Variants in KIF15 observed in about 807,000 individuals in gnomAD.
KIF15 encodes kinesin family member 15, also known as kinesin-like protein KIF15.
A neutral mutation model predicts 190.6 loss-of-function variants in KIF15; 140 were observed. The observed-to-expected ratio is 0.73, with a 90% CI of 0.64 to 0.84. The LOEUF is 0.84. KIF15 is among the 40% of genes least tolerant of loss of function. The pLI is 0.00. For missense variants in KIF15, 1,372 were observed against 1,584.4 expected (o/e 0.87, Z 2.28); for synonymous variants, 528 against 551.3 (o/e 0.96, Z 0.59).
intron 26 of KIF15, among the ~76,000 whole-genome samples, chr3:44,836,685 A>G (rs1045055371): frequency 6.6e-6 from 1 of 152,194 alleles, no homozygotes; most frequent in African/African-American, 2.4e-5. Context: ...TTCCTGAAAC[A>G]TTAGGAGTTC....
chr3:44,771,067 T>C (rs1405205290), intron 1 of KIF15, among the ~76,000 whole-genome samples: 1 of 152,226 alleles, frequency 6.6e-6, no homozygotes, highest in African/African-American at 2.4e-5. Flanking sequence ...TGAGAGCACC[T>C]ATGAAAGTTC....
chr3:44,787,443 G>A (rs548301315), intron 7 of KIF15, among the ~76,000 whole-genome samples: 1 of 152,190 alleles, frequency 6.6e-6, no homozygotes, highest in East Asian at 1.9e-4. Context: ...TATTTTCACT[G>A]CTGTATGATA....
At chr3:44,825,583 T>A (rs549718834) in intron 20 of KIF15, among the ~76,000 whole-genome samples, 11 of 152,332 alleles carry the variant, frequency 7.2e-5, no homozygotes, top group Middle Eastern at 6.8e-3. Context: ...CTTGCTCAAA[T>A]CAAATTCACA....
chr3:44,838,172 A>T, intron 26 of KIF15, 103 bp from the exon 27 acceptor site: 1 of 1,213,286 alleles, frequency 8.2e-7, no homozygotes, highest in Non-Finnish European at 1.1e-6. Flanking sequence ...ATAGGTTTTT[A>T]CATAAAACTT....
Position 44,830,906 on chromosome 3 carries a change from A to G in KIF15, c.3059A>G (p.Asn1020Ser), listed in dbSNP as rs1324918881. ...QELKDINCKY[N>S]SALVDREESR... ...CTTTCTTTTCTACAGTGCAAATACA[A>G]CTCTGCTTTGGTTGACAGAGAAGAG... The change falls in exon 26 of 35, where the codon AAC (asparagine) becomes AGC (serine). Residue 1020 changes from asparagine to serine, a missense_variant. Asn to Ser is a conservative substitution (Grantham distance 46). Transcript: ENST00000326047. The G allele has an allele frequency of 6.2e-7, 1 of 1,613,396 alleles. No homozygotes were observed. Among genetic ancestry groups the G allele is most frequent in the Non-Finnish European group, 8.5e-7 (1 of 1,179,854 alleles).
intron 1 of KIF15, among the ~76,000 whole-genome samples, chr3:44,771,006 T>C (rs1310897358): frequency 6.6e-6 from 1 of 152,204 alleles, no homozygotes; most frequent in Non-Finnish European, 1.5e-5. Context: ...TCCTGTTTGT[T>C]TTTTCTTTAT....
intron 20 of KIF15, among the ~76,000 whole-genome samples, chr3:44,822,316 A>G (rs940651598): frequency 1.3e-5 from 2 of 152,222 alleles, no homozygotes; most frequent in Non-Finnish European, 2.9e-5. Flanking sequence ...TTATTTAAGA[A>G]TGTTGAATAT....
chr3:44,781,921 A>G (rs73076560), intron 5 of KIF15, among the ~76,000 whole-genome samples: 2,085 of 152,230 alleles, frequency 0.014, 28 homozygotes, highest in Non-Finnish European at 0.021. Context: ...CAGAGAAGTT[A>G]GCCTTTTGTC....
chr3:44,810,071 A>G lies in KIF15; in HGVS notation c.1972-775A>G, dbSNP rs374291323. Among the ~76,000 whole-genome samples the G allele has an allele frequency of 9.9e-5, 15 of 152,248 alleles. No individual in the cohort carries two copies. The East Asian group carries it at 2.5e-3, about 25-fold the overall frequency. ...AACAGAACAAGACTGTGTCTCAAAA[A>G]ATAATAATAATTCTATTTCTGGACT... On this transcript the variant is annotated intron_variant, in intron 16 of 34. Coordinates refer to ENST00000326047, the MANE Select transcript of KIF15 (RefSeq NM_020242.3).
chr3:44,848,142 C>A, intron 31 of KIF15, 85 bp downstream of exon 31: 1 of 810,910 alleles, frequency 1.2e-6, no homozygotes, highest in East Asian at 2.6e-5. Flanking sequence ...TTTTAGAAAT[C>A]ATTTTACTAT....
At chr3:44,795,933 C>T (rs113613185) in intron 8 of KIF15, among the ~76,000 whole-genome samples, 1,919 of 152,302 alleles carry the variant, frequency 0.013, 37 homozygotes, top group African/African-American at 0.043. Flanking sequence ...ATGATCTCGG[C>T]TTACTGCAAC....
chr3:44,781,189 G>A (rs1320103303), intron 5 of KIF15, among the ~76,000 whole-genome samples: 1 of 152,134 alleles, frequency 6.6e-6, no homozygotes, highest in Non-Finnish European at 1.5e-5. Context: ...ATTCGTATAT[G>A]TTTATACACC....
chr3:44,857,520 A>G (rs770051578), downstream of KIF15, among the ~76,000 whole-genome samples: 1 of 152,204 alleles, frequency 6.6e-6, no homozygotes, highest in African/African-American at 2.4e-5. Flanking sequence ...GTGTGTAATG[A>G]AAAGGGTTGG....
At chr3:44,842,891 T>G (rs957640994) in intron 29 of KIF15, among the ~76,000 whole-genome samples, 1 of 152,232 alleles carries the variant, frequency 6.6e-6, no homozygotes, top group Non-Finnish European at 1.5e-5. Context: ...TTTTAATGAA[T>G]TCTGTGATAT....
chr3:44,800,383 C>G lies in KIF15; in HGVS notation c.1168C>G (p.Gln390Glu). ...AGCTGAAGTGAAGAGGCTCAAAGAA[C>G]AACTGGCGGAGCTTGCTTCAGGACA... ...LQAEVKRLKE[Q>E]LAELASGQTP... The change falls in exon 11 of 35, where the codon CAA (glutamine) becomes GAA (glutamate). Residue 390 changes from glutamine to glutamate, a missense_variant. Gln to Glu is a conservative substitution (Grantham distance 29). Coordinates refer to ENST00000326047, the MANE Select transcript of KIF15 (RefSeq NM_020242.3). The G allele has an allele frequency of 6.2e-7, 1 of 1,614,160 alleles. No homozygotes were observed. Among genetic ancestry groups the G allele is most frequent in the South Asian group, 1.1e-5 (1 of 91,090 alleles).
chr3:44,807,371 C>T (rs1424429054), intron 16 of KIF15, among the ~76,000 whole-genome samples: 2 of 151,998 alleles, frequency 1.3e-5, no homozygotes, highest in Non-Finnish European at 2.9e-5. Context: ...ATTCCAGGCG[C>T]CTGCCCCAAC....
intron 4 of KIF15, 44 bp from the exon 5 acceptor site, chr3:44,780,839 CTT>C (rs1317680119): frequency 3.0e-6 from 4 of 1,341,406 alleles, no homozygotes; most frequent in Non-Finnish European, 4.2e-6. Flanking sequence ...GAGGAGTAGT[CTT>C]TTAATTTTAT....
chr3:44,825,108 T>A lies in KIF15; in HGVS notation c.2550-931T>A, dbSNP rs532874741. Among the ~76,000 whole-genome samples, 197 of 152,302 alleles carry A rather than the reference T, an allele frequency of 1.3e-3. 1 individual carries two copies. Among genetic ancestry groups the A allele is most frequent in the African/African-American group, 4.3e-3 (180 of 41,554 alleles). On this transcript the variant is annotated intron_variant, in intron 20 of 34. Transcript: ENST00000326047. The stretch of plus-strand genomic sequence containing the variant: ...TGAACACAATTTAACCTTCTCAGTG[T>A]CTCCAGTTTAAGTACATCATTTACT...
chr3:44,768,164 T>G (rs1575571202), intron 1 of KIF15, among the ~76,000 whole-genome samples: 7 of 151,808 alleles, frequency 4.6e-5, no homozygotes, highest in Admixed American at 6.6e-5. Flanking sequence ...TCCCAGCTAC[T>G]TGGGAGGCTG....
Sources: allele counts gnomAD v4.1 joint callset (sites outside exome capture counted in the v4.1 genomes callset), GRCh38; gene constraint gnomAD v4.1.1; transcripts MANE v1.5; gene names NCBI Gene and HGNC (gene_info 2026-07-23, HGNC 2026-07-21).